BNC2: variants seen among roughly 807,000 people sequenced by gnomAD.
BNC2 encodes the protein basonuclin zinc finger protein 2, also known as zinc finger protein basonuclin-2.
Under a neutral mutation model 76.3 loss-of-function variants are expected in BNC2, and 20 were observed. That is an observed-to-expected ratio of 0.26 (90% CI 0.18 to 0.38). The LOEUF (loss-of-function observed/expected upper bound fraction) is 0.38, where lower values mean the gene tolerates loss of function less well. Among genes scored for constraint, BNC2 ranks in the 10% least tolerant of loss-of-function variants. The probability of loss-of-function intolerance (pLI) is 1.00; values close to 1 mark genes in which losing one functional copy is unlikely to be tolerated. For missense variants in BNC2, 1,382 were observed against 1,399.8 expected (o/e 0.99, Z 0.20); for synonymous variants, 582 against 514.8 (o/e 1.13, Z -1.77).
Position 16,418,616 on chromosome 9 carries a change from T to A in BNC2, c.*373A>T, listed in dbSNP as rs1263493343. On this transcript the variant is annotated 3_prime_UTR_variant, in exon 7 of 7. Transcript: ENST00000380672. ...GTCATGGGTACAACAAATTGTCTCT[T>A]TGGGGAAGACCAAGAATTATTCTGT... The A allele has an allele frequency of 5.4e-6, 1 of 186,298 alleles. No homozygotes were observed. The highest frequency in any genetic ancestry group is 2.4e-5 in the African/African-American group (1 of 42,114). 11.5% of individuals were successfully genotyped at this position (186,298 alleles called of 1,614,324 possible).
At position 16,410,823 on chromosome 9, in the gene BNC2, C is replaced by T. The variant is rs1454839549; in HGVS notation, c.*8166G>A. The T allele has an allele frequency of 1.3e-5, 2 of 152,128 alleles. No homozygotes were observed. The highest frequency in any genetic ancestry group is 4.8e-5 in the African/African-American group (2 of 41,404). 9.4% of individuals were successfully genotyped at this position (152,128 alleles called of 1,614,324 possible). A position where few individuals can be genotyped will look rare whatever the true frequency, so the allele number is the denominator to read the frequency against. On this transcript the variant is annotated 3_prime_UTR_variant, in exon 7 of 7. Coordinates refer to ENST00000380672, the MANE Select transcript of BNC2 (RefSeq NM_017637.6). ...AATGAGAGGAATGGATTACTCTGTA[C>T]AAAAACATGCAAAAATACTCCAAAT...
At chr9:16,845,875 C>T (rs576982697) in intron 1 of BNC2, among the ~76,000 whole-genome samples, 3 of 151,948 alleles carry the variant, frequency 2.0e-5, no homozygotes, top group South Asian at 2.1e-4. Context: ...GTGGCCCGGG[C>T]GCGGTGGCTC....
chr9:16,497,676 G>C (rs897683388), intron 5 of BNC2, among the ~76,000 whole-genome samples: 3 of 152,020 alleles, frequency 2.0e-5, no homozygotes, highest in African/African-American at 7.2e-5. Context: ...AAGAAAAAAG[G>C]GTAAAAGTCA....
At chr9:16,450,018 G>A (rs961238048) in intron 5 of BNC2, among the ~76,000 whole-genome samples, 1 of 151,984 alleles carries the variant, frequency 6.6e-6, no homozygotes, top group Non-Finnish European at 1.5e-5. Context: ...TTTTTTCAGT[G>A]ACTTATAACT....
At chr9:16,647,789 C>T (rs544376626) in intron 3 of BNC2, among the ~76,000 whole-genome samples, 7 of 152,242 alleles carry the variant, frequency 4.6e-5, no homozygotes, top group African/African-American at 1.7e-4. Context: ...ATATGATCCT[C>T]TTAGGCAGGT....
chr9:16,662,215 G>A (rs1419068542), intron 3 of BNC2, among the ~76,000 whole-genome samples: 1 of 152,210 alleles, frequency 6.6e-6, no homozygotes, highest in Non-Finnish European at 1.5e-5. Context: ...CTAAATGGTA[G>A]ATGATGTGAT....
At chr9:16,476,405 G>A (rs773450300) in intron 5 of BNC2, among the ~76,000 whole-genome samples, 1 of 152,016 alleles carries the variant, frequency 6.6e-6, no homozygotes, top group Non-Finnish European at 1.5e-5. Context: ...TCTTTCAGCA[G>A]GCCATGCTTC....
At chr9:16,845,210 C>CT (rs1309733951) in intron 1 of BNC2, among the ~76,000 whole-genome samples, 1 of 152,150 alleles carries the variant, frequency 6.6e-6, no homozygotes, top group Non-Finnish European at 1.5e-5. Context: ...TCATGTTATT[C>CT]TTAAAACCAA....
intron 1 of BNC2, among the ~76,000 whole-genome samples, chr9:16,782,989 G>A (rs1420155808): frequency 1.3e-5 from 2 of 152,166 alleles, no homozygotes; most frequent in Non-Finnish European, 2.9e-5. Context: ...ACATCGGAGT[G>A]TAATCACTCA....
chr9:16,714,650 T>G lies in BNC2; in HGVS notation c.330+13147A>C, dbSNP rs560191134. ...AAAACACAAATGGCTCCCTTCTGATTGGTTTCTGACACTGTTCAGTGATGC... is the reference window on the plus strand; with the variant it reads ...AAAACACAAATGGCTCCCTTCTGATGGGTTTCTGACACTGTTCAGTGATGC... On this transcript the variant is annotated intron_variant, in intron 3 of 6. Transcript: ENST00000380672. 8.5e-5 allele frequency among the ~76,000 whole-genome samples: 13 copies of G among 152,314 alleles called. 1 individual carries two copies. The South Asian group carries it at 2.1e-3, about 24-fold the overall frequency.
intron 6 of BNC2, chr9:16,434,735 A>G (rs1043774660): frequency 4.7e-6 from 2 of 428,682 alleles, no homozygotes; most frequent in Non-Finnish European, 9.4e-6. Context: ...ACTGTTTCAG[A>G]GCTGCAACTA....
At chr9:16,492,290 A>C (rs1216944907) in intron 5 of BNC2, among the ~76,000 whole-genome samples, 1 of 152,228 alleles carries the variant, frequency 6.6e-6, no homozygotes, top group East Asian at 1.9e-4. Context: ...AAGAGGTGAA[A>C]ATCTTGGTGA....
chr9:16,513,188 A>C (rs1038368313), intron 5 of BNC2, among the ~76,000 whole-genome samples: 6 of 152,172 alleles, frequency 3.9e-5, no homozygotes, highest in African/African-American at 1.2e-4. Context: ...GTGTTCATGC[A>C]AATGAAAGGT....
intron 1 of BNC2, among the ~76,000 whole-genome samples, chr9:16,752,000 G>T (rs1825230356): frequency 6.6e-6 from 1 of 152,102 alleles, no homozygotes; most frequent in South Asian, 2.1e-4. Context: ...CTGCACTCCA[G>T]CCTGGACAAC....
chr9:16,807,964 A>T (rs1424125350), intron 1 of BNC2, among the ~76,000 whole-genome samples: 1 of 152,198 alleles, frequency 6.6e-6, no homozygotes, highest in Non-Finnish European at 1.5e-5. Flanking sequence ...TGTGGCAGTC[A>T]GACAAGATAA....
intron 1 of BNC2, among the ~76,000 whole-genome samples, chr9:16,770,852 G>A (rs932728622): frequency 6.6e-6 from 1 of 151,772 alleles, no homozygotes; most frequent in Non-Finnish European, 1.5e-5. Context: ...CAGCCTCAGC[G>A]ACAAAGCAAG....
chr9:16,645,061 A>C (rs534662381), intron 3 of BNC2, among the ~76,000 whole-genome samples: 2 of 152,332 alleles, frequency 1.3e-5, no homozygotes, highest in African/African-American at 4.8e-5. Flanking sequence ...CTGCTGTCAT[A>C]ATAGTCTCTT....
In BNC2 at chr9:16,437,432, G is replaced by C; in HGVS notation, c.762C>G (p.Thr254=). The part of the protein sequence containing the change: ...TLQQFLRFGE[T]KSIVELMAIQ... ...TTGCCATCAGCTCCACAATGGATTTGGTTTCTCCAAACCGCAGAAACTGCT... is the reference window on the plus strand; with the variant it reads ...TTGCCATCAGCTCCACAATGGATTTCGTTTCTCCAAACCGCAGAAACTGCT... Residue 254 remains threonine (T), a synonymous_variant, in exon 6 of 7, where the codon ACC becomes ACG. Coordinates refer to ENST00000380672, the MANE Select transcript of BNC2 (RefSeq NM_017637.6). 1.9e-6 allele frequency: 3 copies of C among 1,612,348 alleles called. No homozygotes were observed. Among genetic ancestry groups the C allele is most frequent in the Non-Finnish European group, 2.5e-6 (3 of 1,178,936 alleles).
chr9:16,830,060 G>A (rs1407354993), intron 1 of BNC2, among the ~76,000 whole-genome samples: 1 of 152,148 alleles, frequency 6.6e-6, no homozygotes, highest in Non-Finnish European at 1.5e-5. Context: ...TCTGTGAAAA[G>A]CCTAGAAGGT....
Sources: gnomAD v4.1 joint callset for allele counts (sites outside exome capture counted in the v4.1 genomes callset) on GRCh38, gnomAD v4.1.1 for gene constraint, MANE v1.5 for transcripts, NCBI Gene and HGNC (gene_info 2026-07-23, HGNC 2026-07-21) for gene names.